CREG2: variants seen among roughly 807,000 people sequenced by gnomAD.
CREG2 encodes cellular repressor of E1A stimulated genes 2, also known as protein CREG2.
A neutral mutation model predicts 26.2 loss-of-function variants in CREG2; 24 were observed. That is an observed-to-expected ratio of 0.92 (90% CI 0.66 to 1.29). CREG2 has a LOEUF of 1.29. Ranked by LOEUF, CREG2 falls within the 50% of genes most tolerant of loss-of-function variation. The pLI, the probability that CREG2 is intolerant of heterozygous loss-of-function variation, is 0.00. For synonymous variants in CREG2, 174 were observed against 169.2 expected (o/e 1.03, Z -0.22); for missense variants, 366 against 398.6 (o/e 0.92, Z 0.70).
intron 2 of CREG2, chr2:101,383,118 A>G (rs912259691): frequency 1.5e-5 from 8 of 529,400 alleles, no homozygotes; most frequent in African/African-American, 1.5e-4. Context: ...AAGACAATAT[A>G]TAGACTCTGT....
chr2:101,378,086 T>C (rs1684817902), intron 2 of CREG2, among the ~76,000 whole-genome samples: 1 of 152,264 alleles, frequency 6.6e-6, no homozygotes, highest in South Asian at 2.1e-4. Flanking sequence ...GTCTTCTAAC[T>C]GAAAGTCAGC....
chr2:101,358,627 T>C (rs1684495740), intron 2 of CREG2, among the ~76,000 whole-genome samples: 1 of 152,200 alleles, frequency 6.6e-6, no homozygotes, highest in African/African-American at 2.4e-5. Flanking sequence ...TAGGTGTCCA[T>C]GACAAAGATA....
Position 101,358,143 on chromosome 2 carries a change from C to T in CREG2, c.612-2777G>A, listed in dbSNP as rs553162379. ...AATAGCTGGGATTACAGGCTCACAC[C>T]ACCATGCCTGGCTAAGTTTTGTATT... On this transcript the variant is annotated intron_variant, in intron 2 of 3. Transcript: ENST00000324768. 3.3e-5 allele frequency among the ~76,000 whole-genome samples: 5 copies of T among 152,258 alleles called. No homozygotes were observed. The South Asian group carries it at 1.0e-3, about 32-fold the overall frequency.
chr2:101,385,870 T>C (rs1684960580), intron 1 of CREG2, among the ~76,000 whole-genome samples: 1 of 152,254 alleles, frequency 6.6e-6, no homozygotes, highest in South Asian at 2.1e-4. Flanking sequence ...AGAGAAGGGA[T>C]ATTGAAAGTC....
chr2:101,374,660 G>T (rs1684762410), intron 2 of CREG2, among the ~76,000 whole-genome samples: 1 of 152,216 alleles, frequency 6.6e-6, no homozygotes, highest in African/African-American at 2.4e-5. Context: ...GCTGCAAGCA[G>T]GTGCTCACTG....
chr2:101,356,538 A>G (rs1684462953), intron 2 of CREG2, among the ~76,000 whole-genome samples: 1 of 148,606 alleles, frequency 6.7e-6, no homozygotes, highest in Non-Finnish European at 1.5e-5. Context: ...ATCTCATGTC[A>G]GGTGGGTTTT....
intron 2 of CREG2, among the ~76,000 whole-genome samples, chr2:101,364,505 G>A (rs914120449): frequency 6.6e-6 from 1 of 152,222 alleles, no homozygotes. Flanking sequence ...GGAGGGAGAG[G>A]AGTGAGTTGC....
rs567785241 is a variant in CREG2 at position 101,377,391 on chromosome 2, G to A, written c.611+6142C>T. 5.9e-5 allele frequency among the ~76,000 whole-genome samples: 9 copies of A among 152,184 alleles called. No individual in the cohort carries two copies. The East Asian group carries it at 1.5e-3, about 26-fold the overall frequency. On this transcript the variant is annotated intron_variant, in intron 2 of 3. Coordinates refer to ENST00000324768, the MANE Select transcript of CREG2 (RefSeq NM_153836.4). The stretch of plus-strand genomic sequence containing the variant: ...ATCACCCCACAGACGAGTCCTCCCC[G>A]GTCCCAAAGGCTTGCTGCCCTGATT...
At chr2:101,358,452 T>TA (rs1456844156) in intron 2 of CREG2, among the ~76,000 whole-genome samples, 1 of 151,940 alleles carries the variant, frequency 6.6e-6, no homozygotes, top group African/African-American at 2.4e-5. Context: ...GCCTTGGGGG[T>TA]AAAAAAATAC....
intron 3 of CREG2, among the ~76,000 whole-genome samples, chr2:101,351,654 G>A (rs532307660): frequency 4.6e-5 from 7 of 152,282 alleles, no homozygotes; most frequent in African/African-American, 1.7e-4. Flanking sequence ...GACAGGCAAC[G>A]TCACATCCCG....
At chr2:101,367,320 C>T (rs1262254584) in intron 2 of CREG2, among the ~76,000 whole-genome samples, 2 of 152,146 alleles carry the variant, frequency 1.3e-5, no homozygotes, top group Non-Finnish European at 2.9e-5. Context: ...TGTATGATGA[C>T]CCCTTTCCTT....
chr2:101,387,372 G>A lies in CREG2; in HGVS notation c.86C>T (p.Ala29Val). ...GGAGCTCACGATCACGTAGCCCGCGGCCGGGGACAGCAGGGCGCTGCAGCA... is the reference window on the plus strand; with the variant it reads ...GGAGCTCACGATCACGTAGCCCGCGACCGGGGACAGCAGGGCGCTGCAGCA... ...LLCCSALLSPAAGYVIVSSVS... is the reference protein window; with the variant it reads ...LLCCSALLSPVAGYVIVSSVS... The change falls in exon 1 of 4, where the codon GCC (alanine) becomes GTC (valine). Residue 29 changes from alanine to valine, a missense_variant. Physicochemically the swap from Ala to Val is moderately conservative, Grantham distance 64. Transcript: ENST00000324768. This position sits in a 1 kb window ranked among gnomAD's most constrained non-coding sequence, Gnocchi z 4.7. 6.8e-7 allele frequency: 1 copy of A among 1,465,684 alleles called. No homozygotes were observed. The highest frequency in any genetic ancestry group is 2.2e-5 in the Admixed American group (1 of 44,816). 90.8% of individuals were successfully genotyped at this position (1,465,684 alleles called of 1,614,324 possible).
chr2:101,351,664 G>A (rs1166823372), intron 3 of CREG2, among the ~76,000 whole-genome samples: 1 of 152,132 alleles, frequency 6.6e-6, no homozygotes, highest in African/African-American at 2.4e-5. Context: ...GTCACATCCC[G>A]TCTTGTGCTG....
intron 2 of CREG2, among the ~76,000 whole-genome samples, chr2:101,368,999 C>T (rs1418781789): frequency 1.3e-5 from 2 of 152,214 alleles, no homozygotes; most frequent in Non-Finnish European, 2.9e-5. Flanking sequence ...AAAGACAAGG[C>T]AAGAGAGTGA....
chr2:101,357,180 C>T (rs1441325653), intron 2 of CREG2, among the ~76,000 whole-genome samples: 1 of 152,184 alleles, frequency 6.6e-6, no homozygotes, highest in African/African-American at 2.4e-5. Flanking sequence ...AGCCACTGTG[C>T]TCAGCCCAAT....
chr2:101,386,551 C>G (rs1558823649), intron 1 of CREG2, among the ~76,000 whole-genome samples: 2 of 152,344 alleles, frequency 1.3e-5, no homozygotes, highest in Admixed American at 1.3e-4. Flanking sequence ...AGATTTCCAT[C>G]GAAGCCCTCG....
chr2:101,361,713 A>G (rs1219555334), intron 2 of CREG2, among the ~76,000 whole-genome samples: 1 of 152,224 alleles, frequency 6.6e-6, no homozygotes, highest in African/African-American at 2.4e-5. Flanking sequence ...TGCAGCATCA[A>G]TACGAAACTA....
rs538477227 is a variant in CREG2, at chr2:101,370,812, C to A, written c.611+12721G>T. 3.9e-5 allele frequency among the ~76,000 whole-genome samples: 6 copies of A among 152,270 alleles called. No homozygotes were observed. In the South Asian group the frequency reaches 1.0e-3, roughly 26 times the overall value. On this transcript the variant is annotated intron_variant, in intron 2 of 3. Coordinates refer to ENST00000324768, the MANE Select transcript of CREG2 (RefSeq NM_153836.4). The stretch of plus-strand genomic sequence containing the variant: ...GCTGGCCTCAGACCTGCTCCCAGGC[C>A]CTGAGCTAGCAGCCAGGCTGAGAAA...
chr2:101,352,886 G>C (rs1009972044), intron 3 of CREG2, among the ~76,000 whole-genome samples: 2 of 152,148 alleles, frequency 1.3e-5, no homozygotes, highest in African/African-American at 4.8e-5. Flanking sequence ...GGAGTTGAAG[G>C]CTGCAGTGAA....
Sources: gnomAD v4.1 joint callset for allele counts (sites outside exome capture counted in the v4.1 genomes callset) on GRCh38, gnomAD v4.1.1 for gene constraint, Gnocchi (gnomAD v3.1) non-coding constraint, MANE v1.5 for transcripts, NCBI Gene and HGNC (gene_info 2026-07-23, HGNC 2026-07-21) for gene names.